SLFN12L: variants seen among roughly 807,000 people sequenced by gnomAD.
The protein encoded by SLFN12L is schlafen family member 12-like.
Under a neutral mutation model 34.8 loss-of-function variants are expected in SLFN12L, and 34 were observed. That is an observed-to-expected ratio of 0.98 (90% CI 0.74 to 1.30). SLFN12L has a LOEUF of 1.30. SLFN12L is among the 50% of genes most tolerant of loss of function. The probability of loss-of-function intolerance (pLI) is 0.00; values close to 1 mark genes in which losing one functional copy is unlikely to be tolerated. For synonymous variants in SLFN12L, 259 were observed against 247.5 expected (o/e 1.05, Z -0.44); for missense variants, 703 against 696.2 (o/e 1.01, Z -0.11).
chr17:35,524,674 C>T (rs533978773), intron 1 of SLFN12L, among the ~76,000 whole-genome samples: 1 of 152,130 alleles, frequency 6.6e-6, no homozygotes, highest in African/African-American at 2.4e-5. Context: ...AAAGGACTAG[C>T]ACATCCACTC....
intron 2 of SLFN12L, among the ~76,000 whole-genome samples, chr17:35,520,842 G>A (rs1002878478): frequency 1.3e-5 from 2 of 152,006 alleles, no homozygotes; most frequent in Non-Finnish European, 1.5e-5. Flanking sequence ...CCCCTCTCAG[G>A]AGTATTCATA....
chr17:35,490,261 G>A (rs2142139716), intron 2 of SLFN12L: 6 of 1,529,638 alleles, frequency 3.9e-6, no homozygotes, highest in Non-Finnish European at 5.4e-6. Context: ...AGTACCTCTC[G>A]GATGGTTCAA....
At chr17:35,515,459 G>C (rs1237184935) in intron 2 of SLFN12L, among the ~76,000 whole-genome samples, 2 of 151,882 alleles carry the variant, frequency 1.3e-5, no homozygotes, top group African/African-American at 4.8e-5. Context: ...TTATTTGTTT[G>C]TTTTGATTTT....
chr17:35,496,973 A>G (rs950433446), intron 2 of SLFN12L, among the ~76,000 whole-genome samples: 1 of 152,216 alleles, frequency 6.6e-6, no homozygotes. Context: ...CAGGGCATCA[A>G]AAGCCACTGT....
intron 2 of SLFN12L, among the ~76,000 whole-genome samples, 157 bp downstream of exon 2, chr17:35,522,122 A>G (rs1254876464): frequency 6.6e-6 from 1 of 152,168 alleles, no homozygotes; most frequent in African/African-American, 2.4e-5. Flanking sequence ...AGTATAATAA[A>G]AAAAAGGTAG....
At chr17:35,500,435 C>G (rs1567669828) in intron 2 of SLFN12L, 1 of 152,226 alleles carries the variant, frequency 6.6e-6, no homozygotes, top group Non-Finnish European at 1.5e-5. Context: ...GGTTAAAGAT[C>G]CACCCCTGAC....
Position 35,474,951 on chromosome 17 carries a change from CAAACAAACAAACAAAAACG to C in SLFN12L, c.1792_1810del (p.Arg598ValfsTer8). 1.3e-6 allele frequency: 2 copies of C among 1,549,094 alleles called. No individual in the cohort carries two copies. Among genetic ancestry groups the C allele is most frequent in the Non-Finnish European group, 1.7e-6 (2 of 1,146,078 alleles). ...TCTCAAGAAAAAACAAACAAACCAA[CAAACAAACAAACAAAAACG>C]AAACAAACAAACAAACAAAAAGATT... On this transcript the variant is annotated frameshift_variant, in exon 5 of 5. Coordinates refer to ENST00000628453, the MANE Select transcript of SLFN12L (RefSeq NM_001363830.2). LOFTEE classifies it high-confidence loss of function.
At chr17:35,489,315 G>T (rs1914737773) in intron 2 of SLFN12L, among the ~76,000 whole-genome samples, 1 of 152,000 alleles carries the variant, frequency 6.6e-6, no homozygotes, top group African/African-American at 2.4e-5. Context: ...CACTTTGAGC[G>T]GAGGAGACAG....
chr17:35,512,023 T>C (rs1047845149), intron 2 of SLFN12L, among the ~76,000 whole-genome samples: 6 of 152,254 alleles, frequency 3.9e-5, no homozygotes, highest in African/African-American at 1.4e-4. Context: ...TTTGTTTTTC[T>C]GTTCTCACCT....
Position 35,474,935 on chromosome 17 carries a change from AAAACAAACAAACCAACAAAC to A in SLFN12L, c.1807_1826del (p.Val603PhefsTer39). On this transcript the variant is annotated frameshift_variant, in exon 5 of 5. Coordinates refer to ENST00000628453, the MANE Select transcript of SLFN12L (RefSeq NM_001363830.2). LOFTEE classifies it high-confidence loss of function. ...GACAGAGTGAGACTCATCTCAAGAA[AAAACAAACAAACCAACAAAC>A]AAACAAACAAAAACGAAACAAACAA... 1 of 1,547,304 alleles carries A rather than the reference AAAACAAACAAACCAACAAAC, an allele frequency of 6.5e-7. No individual in the cohort carries two copies. Among genetic ancestry groups the A allele is most frequent in the Admixed American group, 2.0e-5 (1 of 50,502 alleles).
At chr17:35,490,895 C>A (rs1356275139) in intron 2 of SLFN12L, 2 of 836,164 alleles carry the variant, frequency 2.4e-6, no homozygotes, top group Non-Finnish European at 4.2e-6. Context: ...GAAACACAGT[C>A]CAATGACAAC....
At chr17:35,527,094 A>G (rs2072343087) in intron 1 of SLFN12L, among the ~76,000 whole-genome samples, 1 of 152,246 alleles carries the variant, frequency 6.6e-6, no homozygotes, top group Admixed American at 6.5e-5. Context: ...CTATGCAAAT[A>G]AACTAGAAAA....
intron 2 of SLFN12L, among the ~76,000 whole-genome samples, chr17:35,518,613 G>T (rs991055903): frequency 9.3e-5 from 14 of 150,620 alleles, no homozygotes; most frequent in African/African-American, 3.4e-4. Context: ...ACCATCACAG[G>T]TCATTAGAGA....
rs376639545 is a variant in SLFN12L at position 35,487,734 on chromosome 17, G to T, written c.87-7539C>A. ...AGAAAAAGAGAACGAACCTGGCGAG[G>T]TCCATGTCTGCGCACTCTTCACCAA... On this transcript the variant is annotated intron_variant, in intron 2 of 4. Coordinates refer to ENST00000628453, the MANE Select transcript of SLFN12L (RefSeq NM_001363830.2). 31 of 1,536,040 alleles carry T rather than the reference G, an allele frequency of 2.0e-5. No homozygotes were observed. In the African/African-American group the frequency reaches 4.0e-4, roughly 20 times the overall value.
In SLFN12L at chr17:35,473,518, A is replaced by G. The variant is rs1037701251; in HGVS notation, c.*1405T>C. Among the ~76,000 whole-genome samples the G allele has an allele frequency of 6.6e-6, 1 of 152,160 alleles. No homozygotes were observed. Among genetic ancestry groups the G allele is most frequent in the Non-Finnish European group, 1.5e-5 (1 of 68,020 alleles). Reference sequence around the variant, plus strand: ...GATGAGGCCCACTTGATCGTGGTGGATAAGCTTTTCTGACATGCCACTGGA... The same window carrying G: ...GATGAGGCCCACTTGATCGTGGTGGGTAAGCTTTTCTGACATGCCACTGGA... On this transcript the variant is annotated 3_prime_UTR_variant, in exon 5 of 5. Coordinates refer to ENST00000628453, the MANE Select transcript of SLFN12L (RefSeq NM_001363830.2).
In SLFN12L at chr17:35,478,185, A is replaced by T; in HGVS notation, c.1166T>A (p.Val389Glu). ...TGCTGGAGAGGGCAGTTCCTCACAT[A>T]CTATGGAATAATGTTAGAAAACAAA... ...WIQFMVDSEP[V>E]CEELPSPAST... The change falls in exon 4 of 5, where the codon GTA becomes GAA. Residue 389 changes from valine to glutamate, a missense_variant and splice_region_variant. Coordinates refer to ENST00000628453, the MANE Select transcript of SLFN12L (RefSeq NM_001363830.2). 2 of 1,524,874 alleles carry T rather than the reference A, an allele frequency of 1.3e-6. No homozygotes were observed. Among genetic ancestry groups the T allele is most frequent in the South Asian group, 2.4e-5 (2 of 82,622 alleles). 94.5% of individuals were successfully genotyped at this position (1,524,874 alleles called of 1,614,324 possible).
Position 35,522,908 on chromosome 17 carries a change from A to C in SLFN12L, c.-544T>G. 4.5e-6 allele frequency: 3 copies of C among 668,478 alleles called. 1 individual carries two copies. In the South Asian group the frequency reaches 5.7e-5, roughly 13 times the overall value. The allele number at this position is 668,478 out of a possible 1,614,324, so 41.4% of individuals were successfully genotyped here. ...TATTTATTAACTCCTCTAATCCTTC[A>C]TTCTGTGAGGACAGCTCCTTCCAGA... On this transcript the variant is annotated 5_prime_UTR_variant, in exon 2 of 5. The change abolishes an upstream ATG in the 5' untranslated region. Transcript: ENST00000628453.
intron 4 of SLFN12L, among the ~76,000 whole-genome samples, chr17:35,477,084 C>T (rs775797058): frequency 2.4e-4 from 37 of 152,150 alleles, no homozygotes; most frequent in Non-Finnish European, 3.5e-4. Flanking sequence ...AAATTGAAAT[C>T]AATGGATAAA....
At chr17:35,526,908 A>G (rs2072341013) in intron 1 of SLFN12L, among the ~76,000 whole-genome samples, 2 of 152,318 alleles carry the variant, frequency 1.3e-5, no homozygotes, top group African/African-American at 2.4e-5. Flanking sequence ...CAAAAATTCA[A>G]TGAATCTAGG....
Sources: allele counts gnomAD v4.1 joint callset (sites outside exome capture counted in the v4.1 genomes callset), GRCh38; gene constraint gnomAD v4.1.1; transcripts MANE v1.5; gene names NCBI Gene and HGNC (gene_info 2026-07-23, HGNC 2026-07-21).